SPATS1: variants seen among roughly 807,000 people sequenced by gnomAD.
The protein encoded by SPATS1 is spermatogenesis-associated serine-rich protein 1.
A neutral mutation model predicts 33.6 loss-of-function variants in SPATS1; 23 were observed. That is an observed-to-expected ratio of 0.68 (90% CI 0.49 to 0.97). The LOEUF (loss-of-function observed/expected upper bound fraction) is 0.97, where lower values mean the gene tolerates loss of function less well. Among genes scored for constraint, SPATS1 ranks in the 50% least tolerant of loss-of-function variants. The pLI is 0.00. For synonymous variants in SPATS1, 131 were observed against 125.6 expected (o/e 1.04, Z -0.29); for missense variants, 327 against 361.0 (o/e 0.91, Z 0.76).
intron 3 of SPATS1, among the ~76,000 whole-genome samples, chr6:44,357,489 T>C (rs1334985165): frequency 6.6e-6 from 1 of 152,144 alleles, no homozygotes; most frequent in Non-Finnish European, 1.5e-5. Flanking sequence ...TTCAAGTGAT[T>C]CCCCCTCCTC....
chr6:44,376,567 C>T (rs772371746), intron 8 of SPATS1, 94 bp downstream of exon 8: 61 of 812,834 alleles, frequency 7.5e-5, no homozygotes, highest in Middle Eastern at 6.7e-4. Flanking sequence ...TTTGGGAGGC[C>T]GAGGCGGGCA....
At chr6:44,343,517 C>G in intron 2 of SPATS1, 2 of 531,200 alleles carry the variant, frequency 3.8e-6, no homozygotes, top group Non-Finnish European at 7.2e-6. Context: ...GAGATTTGAC[C>G]TGCCCAGTGC....
At chr6:44,375,778 G>T (rs780708642) in intron 7 of SPATS1, among the ~76,000 whole-genome samples, 3 of 150,276 alleles carry the variant, frequency 2.0e-5, no homozygotes, top group Non-Finnish European at 4.4e-5. Context: ...CTCCAGCCTG[G>T]GCGACAGAGT....
In SPATS1 at chr6:44,368,448, G is replaced by A; in HGVS notation, c.644G>A (p.Ser215Asn). Residue 215 changes from serine (S) to asparagine (N), a missense_variant, in exon 6 of 9, where the codon AGT becomes AAT. Coordinates refer to ENST00000674044, the MANE Select transcript of SPATS1 (RefSeq NM_001372081.1). ...AATCCATATATGTACCCAGAACAGA[G>A]TAAAGGCTTCCACAAAGCAGGATCA... ...GDNPYMYPEQ[S>N]KGFHKAGSML... 6 of 1,613,484 alleles carry A rather than the reference G, an allele frequency of 3.7e-6. No individual in the cohort carries two copies. Among genetic ancestry groups the A allele is most frequent in the East Asian group, 2.2e-5 (1 of 44,860 alleles).
At chr6:44,344,733 A>G (rs1011913136) in intron 2 of SPATS1, among the ~76,000 whole-genome samples, 1 of 152,192 alleles carries the variant, frequency 6.6e-6, no homozygotes, top group African/African-American at 2.4e-5. Flanking sequence ...TGAATTCCAC[A>G]GATGGCAATA....
chr6:44,354,151 C>T (rs1465856475), intron 3 of SPATS1, among the ~76,000 whole-genome samples: 2 of 151,346 alleles, frequency 1.3e-5, no homozygotes, highest in African/African-American at 2.4e-5. Context: ...CAGGGCAACA[C>T]AGTGAGACTC....
rs1464978659 is a variant in SPATS1 at position 44,373,720 on chromosome 6, A to G, written c.759-2638A>G. Among the ~76,000 whole-genome samples, 7 of 152,384 alleles carry G rather than the reference A, an allele frequency of 4.6e-5. No individual in the cohort carries two copies. In the East Asian group the frequency reaches 1.2e-3, roughly 25 times the overall value. On this transcript the variant is annotated intron_variant, in intron 7 of 8. Transcript: ENST00000674044. ...AAGTCTTCTCTAGTTAGTGACAGAG[A>G]GAGCCAGAATTAGAATAAAAATTAG...
intron 5 of SPATS1, among the ~76,000 whole-genome samples, chr6:44,364,687 C>T (rs1006581658): frequency 3.9e-5 from 6 of 152,098 alleles, no homozygotes; most frequent in Admixed American, 6.5e-5. Flanking sequence ...CTGGATACTT[C>T]TTCCTTTGTG....
rs902170254 is a variant in SPATS1, at chr6:44,342,748, C to T, written c.-21C>T. On this transcript the variant is annotated 5_prime_UTR_variant, in exon 1 of 9. Coordinates refer to ENST00000674044, the MANE Select transcript of SPATS1 (RefSeq NM_001372081.1). ...GGCGTGCGGCGTGCGTTCGGCAGTTCAGTTGCCAGTTGGTTCGTTGGTCCG... is the reference window on the plus strand; with the variant it reads ...GGCGTGCGGCGTGCGTTCGGCAGTTTAGTTGCCAGTTGGTTCGTTGGTCCG... 1 of 478,370 alleles carries T rather than the reference C, an allele frequency of 2.1e-6. No individual in the cohort carries two copies. Among genetic ancestry groups the T allele is most frequent in the Non-Finnish European group, 4.1e-6 (1 of 243,118 alleles). 29.6% of individuals were successfully genotyped at this position (478,370 alleles called of 1,614,324 possible).
Position 44,352,710 on chromosome 6 carries a change from T to G in SPATS1, c.140-16T>G, listed in dbSNP as rs1173384546. The G allele has an allele frequency of 1.2e-6, 2 of 1,611,702 alleles. No individual in the cohort carries two copies. The highest frequency in any genetic ancestry group is 1.7e-6 in the Non-Finnish European group (2 of 1,177,832). ...TTTCAATAATGTAATTAAATGGTGA[T>G]ATCTCTGTGTTACAGGTGCTAATTG... On this transcript the variant is annotated splice_polypyrimidine_tract_variant and intron_variant, in intron 2 of 8. Transcript: ENST00000674044.
At chr6:44,348,813 A>G (rs9462982) in intron 2 of SPATS1, among the ~76,000 whole-genome samples, 89,750 of 152,028 alleles carry the variant, frequency 0.59, 27,827 homozygotes, top group Middle Eastern at 0.72. Flanking sequence ...AGCCTGGCCA[A>G]TATGTTGAAA....
chr6:44,363,383 G>A (rs1049121425), intron 5 of SPATS1, among the ~76,000 whole-genome samples: 19 of 152,154 alleles, frequency 1.2e-4, no homozygotes, highest in African/African-American at 4.6e-4. Flanking sequence ...GGGCCCAAGC[G>A]ATTAGCCGGC....
rs148152449 is a variant in SPATS1 at position 44,344,999 on chromosome 6, G to A, written c.139+1765G>A. On this transcript the variant is annotated intron_variant, in intron 2 of 8. Coordinates refer to ENST00000674044, the MANE Select transcript of SPATS1 (RefSeq NM_001372081.1). ...CTCCCCACAGCCTTCTGAGCTAGAT[G>A]GGGGAGAGGGCAGCCACTGGGAGCT... 3.3e-5 allele frequency among the ~76,000 whole-genome samples: 5 copies of A among 152,270 alleles called. No homozygotes were observed. The East Asian group carries it at 7.7e-4, about 24-fold the overall frequency.
chr6:44,355,109 A>G (rs1788489968), intron 3 of SPATS1, among the ~76,000 whole-genome samples: 1 of 152,208 alleles, frequency 6.6e-6, no homozygotes, highest in African/African-American at 2.4e-5. Context: ...CACTGCTCCC[A>G]GCACATTATG....
rs143429444 is a variant in SPATS1 at position 44,379,251 on chromosome 6, T to C, written c.*2188T>C. ...GCACAGGAAACTGCTCTCAGAAGGTTCCCTGGTGTTTTGGAAGGAGGGAGT... is the reference window on the plus strand; with the variant it reads ...GCACAGGAAACTGCTCTCAGAAGGTCCCCTGGTGTTTTGGAAGGAGGGAGT... On this transcript the variant is annotated 3_prime_UTR_variant, in exon 9 of 9. Coordinates refer to ENST00000674044, the MANE Select transcript of SPATS1 (RefSeq NM_001372081.1). 7.2e-3 allele frequency among the ~76,000 whole-genome samples: 1,089 copies of C among 152,168 alleles called. 8 individuals carry two copies. The highest frequency in any genetic ancestry group is 0.025 in the African/African-American group (1,019 of 41,514).
rs1790096642 is a variant in SPATS1 at position 44,379,290 on chromosome 6, T to C, written c.*2227T>C. 6.6e-6 allele frequency among the ~76,000 whole-genome samples: 1 copy of C among 151,954 alleles called. No homozygotes were observed. Among genetic ancestry groups the C allele is most frequent in the African/African-American group, 2.4e-5 (1 of 41,384 alleles). ...GAAGGAGGGAGTCCTACACCATAAA[T>C]ATATTAAGGAAAACAACCGGCTGGG... On this transcript the variant is annotated 3_prime_UTR_variant, in exon 9 of 9. Coordinates refer to ENST00000674044, the MANE Select transcript of SPATS1 (RefSeq NM_001372081.1).
At chr6:44,354,074 G>A (rs1471029318) in intron 3 of SPATS1, among the ~76,000 whole-genome samples, 2 of 148,494 alleles carry the variant, frequency 1.3e-5, no homozygotes, top group Non-Finnish European at 1.5e-5. Flanking sequence ...TCACATGGCT[G>A]GGCATGGTGG....
chr6:44,344,056 T>C (rs1787727257), intron 2 of SPATS1, among the ~76,000 whole-genome samples: 1 of 152,156 alleles, frequency 6.6e-6, no homozygotes, highest in Admixed American at 6.6e-5. Flanking sequence ...AAGGAGGAGC[T>C]GGAGGAGTTA....
intron 4 of SPATS1, 109 bp from the exon 5 acceptor site, chr6:44,361,722 A>T: frequency 7.0e-7 from 1 of 1,428,862 alleles, no homozygotes; most frequent in Non-Finnish European, 9.7e-7. Flanking sequence ...CACATTAATT[A>T]AAGTTATATA....
Sources: gnomAD v4.1 joint callset for allele counts (sites outside exome capture counted in the v4.1 genomes callset) on GRCh38, gnomAD v4.1.1 for gene constraint, MANE v1.5 for transcripts, NCBI Gene and HGNC (gene_info 2026-07-23, HGNC 2026-07-21) for gene names.